The following USP6NL variants were observed in gnomAD, a reference collection of about 807,000 sequenced individuals.
The protein encoded by USP6NL is USP6 N-terminal like, also known as USP6 N-terminal-like protein.
USP6NL carries 26 observed loss-of-function variants against 61.9 expected under a neutral mutation model. The observed-to-expected ratio is 0.42, with a 90% CI of 0.31 to 0.58. The LOEUF (loss-of-function observed/expected upper bound fraction) is 0.58, where lower values mean the gene tolerates loss of function less well. Among genes scored for constraint, USP6NL ranks in the 20% least tolerant of loss-of-function variants. The pLI, the probability that USP6NL is intolerant of heterozygous loss-of-function variation, is 0.16. For synonymous variants in USP6NL, 432 were observed against 390.1 expected (o/e 1.11, Z -1.27); for missense variants, 1,114 against 1,034.3 (o/e 1.08, Z -1.06).
chr10:11,496,181 C>G lies in USP6NL; in HGVS notation c.385-2953G>C, dbSNP rs1197217064. On this transcript the variant is annotated intron_variant, in intron 7 of 14. Transcript: ENST00000609104. The surrounding 1 kb of genome is among the most constrained non-coding windows in gnomAD (Gnocchi z 5.4). ...CTAGTCCAGAGGCCCTCTGTTTCAT[C>G]CTCGCCAAATAACAAACCTCCAGTC... Among the ~76,000 whole-genome samples the G allele has an allele frequency of 1.3e-5, 2 of 152,236 alleles. No individual in the cohort carries two copies. The highest frequency in any genetic ancestry group is 2.4e-5 in the African/African-American group (1 of 41,462).
intron 14 of USP6NL, among the ~76,000 whole-genome samples, chr10:11,471,340 G>A (rs1030363928): frequency 6.6e-6 from 1 of 152,206 alleles, no homozygotes; most frequent in Non-Finnish European, 1.5e-5. Flanking sequence ...GTGCTGGAGA[G>A]GATGTGGAGA....
intron 2 of USP6NL, among the ~76,000 whole-genome samples, chr10:11,551,562 T>C (rs538775926): frequency 4.6e-5 from 7 of 152,142 alleles, no homozygotes; most frequent in Non-Finnish European, 1.0e-4. Flanking sequence ...ATCACAACCA[T>C]AGTGATAAAG....
chr10:11,604,163 A>G (rs1276342623), intron 1 of USP6NL, among the ~76,000 whole-genome samples: 1 of 152,086 alleles, frequency 6.6e-6, no homozygotes, highest in Non-Finnish European at 1.5e-5. Flanking sequence ...GGTAAACTAA[A>G]TATCTTATTT....
rs1027369057 is a variant in USP6NL, at chr10:11,561,120, C to T, written c.5-33553G>A. On this transcript the variant is annotated intron_variant, in intron 2 of 14. Coordinates refer to ENST00000609104, the MANE Select transcript of USP6NL (RefSeq NM_014688.5). The surrounding 1 kb of genome is among the most constrained non-coding windows in gnomAD (Gnocchi z 4.1). ...ATTTAGTATACTCTATGTCATAGGA[C>T]GGTAAAATTACATTTTAAGTAGTTT... is the stretch of plus-strand genomic sequence containing the variant. Among the ~76,000 whole-genome samples, 4 of 152,006 alleles carry T rather than the reference C, an allele frequency of 2.6e-5. No homozygotes were observed. Among genetic ancestry groups the T allele is most frequent in the South Asian group, 2.1e-4 (1 of 4,822 alleles).
Position 11,465,809 on chromosome 10 carries a change from T to G in USP6NL, c.1079-1960A>C, listed in dbSNP as rs1832426827. Among the ~76,000 whole-genome samples the G allele has an allele frequency of 6.6e-6, 1 of 152,226 alleles. No homozygotes were observed. Among genetic ancestry groups the G allele is most frequent in the Non-Finnish European group, 1.5e-5 (1 of 68,046 alleles). Reference sequence around the variant, plus strand: ...CTAAGGGCAGCTACCCTTAGCTCTATATCCCCAATCTCAAAACTGGATTGT... The same window carrying G: ...CTAAGGGCAGCTACCCTTAGCTCTAGATCCCCAATCTCAAAACTGGATTGT... On this transcript the variant is annotated intron_variant, in intron 14 of 14. Transcript: ENST00000609104. The surrounding 1 kb of genome is among the most constrained non-coding windows in gnomAD (Gnocchi z 4.5).
chr10:11,483,614 A>G (rs1410316362), intron 13 of USP6NL, among the ~76,000 whole-genome samples: 3 of 11,102 alleles, frequency 2.7e-4, no homozygotes, highest in African/African-American at 3.8e-4. Context: ...GGAGGGGGAG[A>G]GGGGGGGAGA....
chr10:11,492,691 T>G (rs1833752837), intron 8 of USP6NL, among the ~76,000 whole-genome samples: 1 of 152,268 alleles, frequency 6.6e-6, no homozygotes, highest in Non-Finnish European at 1.5e-5. Context: ...ACTGTACTTT[T>G]CATTTATAAG....
intron 6 of USP6NL, among the ~76,000 whole-genome samples, chr10:11,503,452 C>T (rs1344087942): frequency 6.6e-6 from 1 of 152,056 alleles, no homozygotes. Context: ...GCTGTGATTA[C>T]ATTAAAAAGT....
chr10:11,475,288 G>T (rs1832922819), intron 14 of USP6NL, among the ~76,000 whole-genome samples: 1 of 140,028 alleles, frequency 7.1e-6, no homozygotes, highest in South Asian at 2.3e-4. Flanking sequence ...CTTTGCTACA[G>T]AAGAAAGTTT....
chr10:11,553,820 C>T lies in USP6NL; in HGVS notation c.5-26253G>A, dbSNP rs1836581828. 2.0e-5 allele frequency among the ~76,000 whole-genome samples: 3 copies of T among 151,234 alleles called. No individual in the cohort carries two copies. Among genetic ancestry groups the T allele is most frequent in the Admixed American group, 6.6e-5 (1 of 15,170 alleles). ...CTCAGGCAAGAGAACTGCTTGAACC[C>T]GGGAGGCAGAGGATGCAGTGAGCCG... On this transcript the variant is annotated intron_variant, in intron 2 of 14. Coordinates refer to ENST00000609104, the MANE Select transcript of USP6NL (RefSeq NM_014688.5). This position sits in a 1 kb window ranked among gnomAD's most constrained non-coding sequence, Gnocchi z 4.8.
rs1835390633 is a variant in USP6NL, at chr10:11,525,820, G to A, written c.73-352C>T. 6.6e-6 allele frequency among the ~76,000 whole-genome samples: 1 copy of A among 152,180 alleles called. No individual in the cohort carries two copies. The highest frequency in any genetic ancestry group is 1.5e-5 in the Non-Finnish European group (1 of 68,028). On this transcript the variant is annotated intron_variant, in intron 3 of 14. Coordinates refer to ENST00000609104, the MANE Select transcript of USP6NL (RefSeq NM_014688.5). The surrounding 1 kb of genome is among the most constrained non-coding windows in gnomAD (Gnocchi z 5.0). ...GAAACTGCCGAACCTTACAGTTCTA[G>A]ACCAAACACGTCTCAGAGAAAGAGA...
In USP6NL at chr10:11,571,292, G is replaced by A. The variant is rs565252578; in HGVS notation, c.4+26339C>T. Among the ~76,000 whole-genome samples, 7 of 152,014 alleles carry A rather than the reference G, an allele frequency of 4.6e-5. No homozygotes were observed. The South Asian group carries it at 1.2e-3, about 27-fold the overall frequency. ...GTAGAGACATGGTTTCTCCATGTTC[G>A]TCAGGCTGGTCTCGAAATCCCGACC... On this transcript the variant is annotated intron_variant, in intron 2 of 14. Coordinates refer to ENST00000609104, the MANE Select transcript of USP6NL (RefSeq NM_014688.5).
intron 4 of USP6NL, among the ~76,000 whole-genome samples, chr10:11,521,534 C>T (rs1835209207): frequency 6.6e-6 from 1 of 151,908 alleles, no homozygotes; most frequent in African/African-American, 2.4e-5. Flanking sequence ...GAGCGCGCCA[C>T]CACGCCTGGC....
chr10:11,479,322 G>T (rs865951331), intron 14 of USP6NL, among the ~76,000 whole-genome samples: 24 of 152,278 alleles, frequency 1.6e-4, no homozygotes, highest in African/African-American at 5.5e-4. Flanking sequence ...GGCAACAGAT[G>T]AACAGGGAAG....
At chr10:11,566,679 A>C (rs1837172228) in intron 2 of USP6NL, among the ~76,000 whole-genome samples, 1 of 152,224 alleles carries the variant, frequency 6.6e-6, no homozygotes, top group Admixed American at 6.5e-5. Flanking sequence ...ATGTGGCTAG[A>C]ATGAGGAACT....
chr10:11,490,747 C>T lies in USP6NL; in HGVS notation c.543+85G>A, dbSNP rs1405649210. On this transcript the variant is annotated intron_variant, in intron 9 of 14. Coordinates refer to ENST00000609104, the MANE Select transcript of USP6NL (RefSeq NM_014688.5). The surrounding 1 kb of genome is among the most constrained non-coding windows in gnomAD (Gnocchi z 4.5). ...ATGGAGACCACCTAGCTCTGAGATG[C>T]AGAAATGTGCCCACAGGGCCCTGCT... The T allele has an allele frequency of 4.4e-6, 6 of 1,349,766 alleles. No individual in the cohort carries two copies. The highest frequency in any genetic ancestry group is 6.1e-6 in the Non-Finnish European group (6 of 985,502). The allele number at this position is 1,349,766 out of a possible 1,614,324, so 83.6% of individuals were successfully genotyped here.
chr10:11,545,266 G>A lies in USP6NL; in HGVS notation c.5-17699C>T, dbSNP rs116937476. On this transcript the variant is annotated intron_variant, in intron 2 of 14. Transcript: ENST00000609104. ...TCAGCCTCCAGTGATCTGACAGCCA[G>A]GAGGATTTGGGGTAAGGTCCCCTCA... 2.6e-5 allele frequency among the ~76,000 whole-genome samples: 4 copies of A among 152,064 alleles called. No individual in the cohort carries two copies. In the East Asian group the frequency reaches 7.7e-4, roughly 29 times the overall value.
intron 2 of USP6NL, among the ~76,000 whole-genome samples, chr10:11,535,791 G>C (rs1488359323): frequency 6.6e-6 from 1 of 152,146 alleles, no homozygotes; most frequent in Non-Finnish European, 1.5e-5. Context: ...CATGGACTAA[G>C]ATACATCAAG....
intron 2 of USP6NL, among the ~76,000 whole-genome samples, chr10:11,555,805 A>G (rs1468324340): frequency 6.6e-6 from 1 of 152,210 alleles, no homozygotes; most frequent in Non-Finnish European, 1.5e-5. Flanking sequence ...AATAAGATCA[A>G]CTGCAAATTT....
Sources: allele counts gnomAD v4.1 joint callset (sites outside exome capture counted in the v4.1 genomes callset), GRCh38; gene constraint gnomAD v4.1.1; non-coding constraint Gnocchi (gnomAD v3.1); transcripts MANE v1.5; gene names NCBI Gene and HGNC (gene_info 2026-07-23, HGNC 2026-07-21).